Variants in ZNF483 observed in about 807,000 individuals in gnomAD.
ZNF483 encodes the protein zinc finger protein HIT-10.
ZNF483 carries 9 observed loss-of-function variants against 28.6 expected under a neutral mutation model. The observed-to-expected ratio is 0.32, with a 90% CI of 0.19 to 0.55. The LOEUF (loss-of-function observed/expected upper bound fraction) is 0.55. Ranked by LOEUF, ZNF483 falls within the 20% of genes least tolerant of loss-of-function variation. ZNF483 has a pLI of 0.93. For missense variants in ZNF483, 675 were observed against 871.7 expected, an observed-to-expected ratio of 0.77 and a Z score of 2.84; for synonymous variants, 322 against 306.2, an observed-to-expected ratio of 1.05 and a Z score of -0.54.
intron 3 of ZNF483, among the ~76,000 whole-genome samples, chr9:111,532,157 A>T (rs1245410203): frequency 1.3e-5 from 2 of 152,148 alleles, no homozygotes; most frequent in Non-Finnish European, 1.5e-5. Context: ...AAAAAATTTT[A>T]AAAATTAGCT....
At chr9:111,533,224 C>T (rs534485675) in intron 3 of ZNF483, among the ~76,000 whole-genome samples, 1 of 152,242 alleles carries the variant, frequency 6.6e-6, no homozygotes, top group East Asian at 1.9e-4. Flanking sequence ...TTACACATTC[C>T]AGATAATTCT....
At chr9:111,534,135 A>G (rs1827418944) in intron 4 of ZNF483, 126 bp from the exon 5 acceptor site, 8 of 871,266 alleles carry the variant, frequency 9.2e-6, no homozygotes, top group Non-Finnish European at 1.4e-5. Flanking sequence ...AAGTTCCAGT[A>G]TTTATGTCTG....
chr9:111,558,413 C>A (rs999644581), downstream of ZNF483, among the ~76,000 whole-genome samples: 3 of 152,160 alleles, frequency 2.0e-5, no homozygotes, highest in African/African-American at 7.2e-5. Flanking sequence ...CATGGTGGCA[C>A]ATGCCTGTTG....
rs540204140 is a variant in ZNF483, at chr9:111,572,654, G to C, written c.722-3711G>C. Among the ~76,000 whole-genome samples the C allele has an allele frequency of 3.0e-3, 455 of 150,904 alleles. 2 individuals are homozygous for C. Among genetic ancestry groups the C allele is most frequent in the Non-Finnish European group, 4.6e-3 (313 of 67,756 alleles). On this transcript the variant is annotated intron_variant, in intron 5 of 5. Transcript: ENST00000358151. ...TGTCTGTAGTCTCAGCTACTCGGGA[G>C]GCTGAGGTGGGAGGATCACTTGAGC...
rs187189952 is a variant in ZNF483 at position 111,541,378 on chromosome 9, C to T, written c.722-279C>T. On this transcript the variant is annotated intron_variant, in intron 5 of 5. Transcript: ENST00000309235. The stretch of plus-strand genomic sequence containing the variant: ...TGCTGAGATTACAGGCATGAGCCAC[C>T]GTGCCCATCCTAAACCTCTTAAAAA... 3.2e-4 allele frequency among the ~76,000 whole-genome samples: 49 copies of T among 152,166 alleles called. No individual in the cohort carries two copies. In the East Asian group the frequency reaches 8.9e-3, roughly 28 times the overall value.
In ZNF483 at chr9:111,542,827, G is replaced by T; in HGVS notation, c.1892G>T (p.Gly631Val). ...ATTTATCATCAAAGACTTCATTCAG[G>T]AGAAAAACCCTACAAATGTAACCAG... ...SVIYHQRLHS[G>V]EKPYKCNQCE... is the part of the protein sequence containing the mutation. The change falls in exon 6 of 6, where the codon GGA (glycine) becomes GTA (valine). Residue 631 changes from glycine to valine, a missense_variant. This residue lies in a region of ZNF483 where 47 missense variants were observed against 93.5 expected (regional missense o/e 0.50). Transcript: ENST00000309235. This position sits in a 1 kb window ranked among gnomAD's most constrained non-coding sequence, Gnocchi z 6.2. 6.2e-7 allele frequency: 1 copy of T among 1,614,116 alleles called. No individual in the cohort carries two copies. The highest frequency in any genetic ancestry group is 8.5e-7 in the Non-Finnish European group (1 of 1,180,014).
intron 5 of ZNF483, among the ~76,000 whole-genome samples, chr9:111,540,504 C>T (rs148526514): frequency 2.6e-5 from 4 of 152,254 alleles, no homozygotes; most frequent in African/African-American, 9.6e-5. Flanking sequence ...TGGAATTGAA[C>T]TCTAGGCCCT....
chr9:111,576,384 A>G, exon 6 of ZNF483: 2 of 1,614,148 alleles, frequency 1.2e-6, no homozygotes, highest in African/African-American at 2.7e-5. Flanking sequence ...GAGCAGTAAA[A>G]AAGATGCAGA....
Position 111,549,776 on chromosome 9 carries a change from A to G in ZNF483, c.*6606A>G, listed in dbSNP as rs957854045. 43 of 1,548,040 alleles carry G rather than the reference A, an allele frequency of 2.8e-5. No individual in the cohort carries two copies. The highest frequency in any genetic ancestry group is 1.8e-4 in the African/African-American group (13 of 72,960). On this transcript the variant is annotated 3_prime_UTR_variant, in exon 6 of 6. Transcript: ENST00000309235. Reference sequence around the variant, plus strand: ...TTCATTTTTCTGCTTTGAAGCTTCAATCTTCTTCATTTTCTCTTTTGATCT... The same window carrying G: ...TTCATTTTTCTGCTTTGAAGCTTCAGTCTTCTTCATTTTCTCTTTTGATCT...
chr9:111,540,148 AT>A (rs1564596277), intron 5 of ZNF483, among the ~76,000 whole-genome samples: 2 of 152,190 alleles, frequency 1.3e-5, no homozygotes, highest in African/African-American at 4.8e-5. Context: ...ATTTTAAAAA[AT>A]TTTTTAAAAA....
chr9:111,576,345 C>T (rs767469262), intron 5 of ZNF483: 5 of 1,613,714 alleles, frequency 3.1e-6, no homozygotes, highest in Middle Eastern at 1.7e-4. Flanking sequence ...ACTCACTAAG[C>T]TTTCCCTGGT....
rs1334381569 is a variant in ZNF483, at chr9:111,552,336, C to T, written c.*9166C>T. Among the ~76,000 whole-genome samples the T allele has an allele frequency of 6.6e-6, 1 of 151,960 alleles. No individual in the cohort carries two copies. Among genetic ancestry groups the T allele is most frequent in the Non-Finnish European group, 1.5e-5 (1 of 67,988 alleles). ...CTGTCAACATTCTATAGCTTTTGTG[C>T]ATATGTACTGAAGAATTATAACACA... is the stretch of plus-strand genomic sequence containing the variant. On this transcript the variant is annotated 3_prime_UTR_variant, in exon 6 of 6. Transcript: ENST00000309235.
chr9:111,565,724 T>C (rs78402738), intron 5 of ZNF483, among the ~76,000 whole-genome samples: 17,807 of 152,040 alleles, frequency 0.12, 1,423 homozygotes, highest in East Asian at 0.38. Context: ...AGAGTCTCAT[T>C]ATGTTGCCAG....
intron 5 of ZNF483, among the ~76,000 whole-genome samples, chr9:111,538,530 G>A (rs527274581): frequency 1.5e-3 from 226 of 151,134 alleles, no homozygotes; most frequent in Middle Eastern, 0.014. Flanking sequence ...GACACTTGCA[G>A]TTCAAATCTG....
chr9:111,543,229 T>C lies in ZNF483; in HGVS notation c.*59T>C, dbSNP rs1045817005. The C allele has an allele frequency of 4.6e-6, 7 of 1,532,480 alleles. No individual in the cohort carries two copies. Among genetic ancestry groups the C allele is most frequent in the African/African-American group, 4.1e-5 (3 of 72,438 alleles). 94.9% of individuals were successfully genotyped at this position (1,532,480 alleles called of 1,614,324 possible). ...TTCAAATTGTCAGTTACTGAAACCC[T>C]GGGATGTAAACTTACAGTATTGATC... is the stretch of plus-strand genomic sequence containing the variant. On this transcript the variant is annotated 3_prime_UTR_variant, in exon 6 of 6. Coordinates refer to ENST00000309235, the MANE Select transcript of ZNF483 (RefSeq NM_133464.5).
intron 5 of ZNF483, chr9:111,539,332 A>T: frequency 2.6e-6 from 1 of 387,358 alleles, no homozygotes; most frequent in South Asian, 1.9e-5. Context: ...GATTTAAAGA[A>T]TATTTGACCA....
In ZNF483 at chr9:111,545,016, A is replaced by G. The variant is rs1827773290; in HGVS notation, c.*1846A>G. Among the ~76,000 whole-genome samples the G allele has an allele frequency of 6.6e-6, 1 of 152,178 alleles. No homozygotes were observed. The highest frequency in any genetic ancestry group is 2.4e-5 in the African/African-American group (1 of 41,428). On this transcript the variant is annotated 3_prime_UTR_variant, in exon 6 of 6. Coordinates refer to ENST00000309235, the MANE Select transcript of ZNF483 (RefSeq NM_133464.5). Reference sequence around the variant, plus strand: ...CTTAATGCTAATCTTAGACTCAGGAACATTTACTGTGACTAATGTATGTAG... The same window carrying G: ...CTTAATGCTAATCTTAGACTCAGGAGCATTTACTGTGACTAATGTATGTAG...
rs759459248 is a variant in ZNF483 at position 111,549,278 on chromosome 9, A to G, written c.*6108A>G. On this transcript the variant is annotated 3_prime_UTR_variant, in exon 6 of 6. Transcript: ENST00000309235. The stretch of plus-strand genomic sequence containing the variant: ...AGAAATATCTTACAATTCTGAAAAC[A>G]CACTGTCAAAATGCTTTTCATAAAA... Among the ~76,000 whole-genome samples, 3 of 152,224 alleles carry G rather than the reference A, an allele frequency of 2.0e-5. No individual in the cohort carries two copies. Among genetic ancestry groups the G allele is most frequent in the Non-Finnish European group, 2.9e-5 (2 of 68,042 alleles).
intron 3 of ZNF483, among the ~76,000 whole-genome samples, chr9:111,533,465 T>C (rs1827399765): frequency 6.6e-6 from 1 of 152,148 alleles, no homozygotes; most frequent in Non-Finnish European, 1.5e-5. Flanking sequence ...GAGGATTACT[T>C]GAGCCCAAGA....
Sources: gnomAD v4.1 joint callset for allele counts (sites outside exome capture counted in the v4.1 genomes callset) on GRCh38, gnomAD v4.1.1 for gene constraint, gnomAD v4.1.1 regional missense constraint, Gnocchi (gnomAD v3.1) non-coding constraint, MANE v1.5 for transcripts, NCBI Gene and HGNC (gene_info 2026-07-23, HGNC 2026-07-21) for gene names.